CNTN3: variants seen among roughly 807,000 people sequenced by gnomAD.
The protein encoded by CNTN3 is contactin-3.
A neutral mutation model predicts 119.1 loss-of-function variants in CNTN3; 60 were observed. The ratio of observed to expected loss-of-function variants is 0.50; its 90% CI spans 0.41 to 0.62. The LOEUF is 0.62. Ranked by LOEUF, CNTN3 falls within the 20% of genes least tolerant of loss-of-function variation. The probability of loss-of-function intolerance (pLI) is 0.00; values close to 1 mark genes in which losing one functional copy is unlikely to be tolerated. For synonymous variants in CNTN3, 450 were observed against 438.7 expected (o/e 1.03, Z -0.32); for missense variants, 1,101 against 1,242.4 (o/e 0.89, Z 1.71).
intron 5 of CNTN3, among the ~76,000 whole-genome samples, chr3:74,418,359 T>TTTTTTTTTA (rs1701561183): frequency 6.7e-6 from 1 of 148,152 alleles, no homozygotes; most frequent in African/African-American, 2.5e-5. Context: ...TTTTTTTTTT[T>TTTTTTTTTA]GAGTCAGAGT....
At chr3:74,316,490 T>C (rs1413599106) in intron 13 of CNTN3, among the ~76,000 whole-genome samples, 1 of 152,144 alleles carries the variant, frequency 6.6e-6, no homozygotes, top group Non-Finnish European at 1.5e-5. Flanking sequence ...ACTAGGTACA[T>C]AACCAGAGGA....
intron 1 of CNTN3, among the ~76,000 whole-genome samples, chr3:74,529,073 C>T (rs1428917995): frequency 1.3e-5 from 2 of 151,718 alleles, no homozygotes; most frequent in Non-Finnish European, 2.9e-5. Context: ...TATAACTATA[C>T]AAAATAGTTC....
intron 11 of CNTN3, among the ~76,000 whole-genome samples, chr3:74,345,784 T>G (rs1333902779): frequency 6.6e-6 from 1 of 152,370 alleles, no homozygotes; most frequent in Non-Finnish European, 1.5e-5. Flanking sequence ...TGTGGATTGT[T>G]AATTCACAGT....
At chr3:74,524,933 T>C (rs960825750) in intron 1 of CNTN3, among the ~76,000 whole-genome samples, 1 of 151,794 alleles carries the variant, frequency 6.6e-6, no homozygotes, top group African/African-American at 2.4e-5. Context: ...ACTAAAGAGA[T>C]GAAATACACG....
chr3:74,362,435 A>C lies in CNTN3; in HGVS notation c.1214-395T>G, dbSNP rs184736749. Among the ~76,000 whole-genome samples the C allele has an allele frequency of 4.3e-4, 66 of 152,356 alleles. No individual in the cohort carries two copies. The East Asian group carries it at 0.012, about 27-fold the overall frequency. ...TGCCTAGCATTCAACAAAGCTCAGC[A>C]AAACTTTGAGAACAGAGGCTAAGCA... On this transcript the variant is annotated intron_variant, in intron 10 of 22. Transcript: ENST00000263665.
chr3:74,287,629 C>T (rs913067809), intron 19 of CNTN3, among the ~76,000 whole-genome samples: 5 of 152,174 alleles, frequency 3.3e-5, no homozygotes, highest in Non-Finnish European at 5.9e-5. Context: ...CTGTCTTCCA[C>T]TCTTCTTCAC....
intron 5 of CNTN3, among the ~76,000 whole-genome samples, chr3:74,392,899 C>T (rs1438741636): frequency 1.3e-5 from 2 of 152,008 alleles, no homozygotes; most frequent in Admixed American, 1.3e-4. Context: ...TATGTATTCA[C>T]CTGTGCAAGT....
intron 20 of CNTN3, among the ~76,000 whole-genome samples, chr3:74,274,277 A>G (rs936747430): frequency 3.9e-5 from 6 of 151,986 alleles, no homozygotes; most frequent in African/African-American, 1.5e-4. Context: ...CCGGCCCACC[A>G]ACTGTTCCTC....
rs1229996258 is a variant in CNTN3 at position 74,298,072 on chromosome 3, G to A, written c.2286C>T (p.Val762=). ...ATGGCACGATGCTTTCATTCCTAAAGACATATCTTGGGGTGTCAGGGGATG... is the reference window on the plus strand; with the variant it reads ...ATGGCACGATGCTTTCATTCCTAAAAACATATCTTGGGGTGTCAGGGGATG... ...VVTSPDTPRY[V]FRNESIVPYS... Residue 762 remains valine, a synonymous_variant, in exon 18 of 23, where the codon GTC becomes GTT. Coordinates refer to ENST00000263665, the MANE Select transcript of CNTN3 (RefSeq NM_020872.3). 6.2e-7 allele frequency: 1 copy of A among 1,613,972 alleles called. No individual in the cohort carries two copies. The highest frequency in any genetic ancestry group is 1.1e-5 in the South Asian group (1 of 91,078).
chr3:74,428,103 A>G (rs1701725273), intron 4 of CNTN3, among the ~76,000 whole-genome samples: 1 of 152,140 alleles, frequency 6.6e-6, no homozygotes, highest in Non-Finnish European at 1.5e-5. Context: ...GTTTGTGGTG[A>G]TTGTGTAAAA....
intron 1 of CNTN3, among the ~76,000 whole-genome samples, chr3:74,582,763 T>C (rs1250869869): frequency 6.8e-6 from 1 of 147,384 alleles, no homozygotes; most frequent in Non-Finnish European, 1.5e-5. Flanking sequence ...TGGATACCCA[T>C]CAAGTGCATG....
rs946395218 is a variant in CNTN3, at chr3:74,418,473, C to G, written c.454+6372G>C. On this transcript the variant is annotated intron_variant, in intron 5 of 22. Coordinates refer to ENST00000263665, the MANE Select transcript of CNTN3 (RefSeq NM_020872.3). ...TCTCCTGCCTCAGATTCCCAAATAG[C>G]TGGGATTACAGGCACCTGCCACCAT... Among the ~76,000 whole-genome samples the G allele has an allele frequency of 3.3e-5, 5 of 151,038 alleles. No individual in the cohort carries two copies. The East Asian group carries it at 9.9e-4, about 30-fold the overall frequency.
chr3:74,456,254 A>G (rs941948966), intron 4 of CNTN3, among the ~76,000 whole-genome samples: 1 of 152,060 alleles, frequency 6.6e-6, no homozygotes, highest in African/African-American at 2.4e-5. Flanking sequence ...AAAAAAAAGA[A>G]AAAAGCAATT....
intron 13 of CNTN3, among the ~76,000 whole-genome samples, chr3:74,326,044 A>C (rs1440916662): frequency 6.6e-6 from 1 of 152,120 alleles, no homozygotes; most frequent in East Asian, 1.9e-4. Context: ...AGTTTTGGAG[A>C]AACCTGGGAA....
chr3:74,532,355 G>A (rs1444380523), intron 1 of CNTN3, among the ~76,000 whole-genome samples: 1 of 151,976 alleles, frequency 6.6e-6, no homozygotes, highest in Non-Finnish European at 1.5e-5. Flanking sequence ...TACATTCCAA[G>A]ACCCCCTGGT....
chr3:74,582,600 C>T (rs11916648), intron 1 of CNTN3, among the ~76,000 whole-genome samples: 7,090 of 152,174 alleles, frequency 0.047, 201 homozygotes, highest in African/African-American at 0.079. Flanking sequence ...AAGAGGCTTA[C>T]AGCATCAGCC....
chr3:74,448,290 G>A (rs990484184), intron 4 of CNTN3, among the ~76,000 whole-genome samples: 1 of 152,084 alleles, frequency 6.6e-6, no homozygotes. Flanking sequence ...CAACAACATA[G>A]AGTAAAAGCA....
At position 74,295,163 on chromosome 3, in the gene CNTN3, G is replaced by A; in HGVS notation, c.2475C>T (p.Thr825=). The A allele has an allele frequency of 6.2e-7, 1 of 1,613,310 alleles. No individual in the cohort carries two copies. The highest frequency in any genetic ancestry group is 1.1e-5 in the South Asian group (1 of 91,044). Reference sequence around the variant, plus strand: ...GTCCATTGCTCAACTTCCAAGGAATGGTGTTCCATGAAACCTCAATTTCTG... The same window carrying A: ...GTCCATTGCTCAACTTCCAAGGAATAGTGTTCCATGAAACCTCAATTTCTG... The part of the protein sequence containing the change: ...SSSEIEVSWN[T]IPWKLSNGHL... The change falls in exon 19 of 23, where the codon ACC becomes ACT. Residue 825 remains threonine (T), a synonymous_variant. Transcript: ENST00000263665.
At chr3:74,332,398 C>T (rs1433165132) in intron 13 of CNTN3, among the ~76,000 whole-genome samples, 1 of 152,170 alleles carries the variant, frequency 6.6e-6, no homozygotes, top group African/African-American at 2.4e-5. Context: ...CATGAACTAG[C>T]ATGGTAGAGA....
Sources: gnomAD v4.1 joint callset for allele counts (sites outside exome capture counted in the v4.1 genomes callset) on GRCh38, gnomAD v4.1.1 for gene constraint, MANE v1.5 for transcripts, NCBI Gene and HGNC (gene_info 2026-07-23, HGNC 2026-07-21) for gene names.